Variants in SERPINA9 observed in about 807,000 individuals in gnomAD.
SERPINA9 encodes serpin family A member 9.
Under a neutral mutation model 24.5 loss-of-function variants are expected in SERPINA9, and 32 were observed. The ratio of observed to expected loss-of-function variants is 1.30; its 90% CI spans 0.98 to 1.75. The LOEUF (loss-of-function observed/expected upper bound fraction) is 1.75, where lower values mean the gene tolerates loss of function less well. SERPINA9 is among the 40% of genes most tolerant of loss of function. SERPINA9 has a pLI of 0.00. For missense variants in SERPINA9, 594 were observed against 497.1 expected (o/e 1.19, Z -1.85); for synonymous variants, 233 against 197.7 (o/e 1.18, Z -1.50).
rs1173195876 is a variant in SERPINA9 at position 94,464,814 on chromosome 14, A to G, written c.943T>C (p.Ser315Pro). ...GGGAGGATGGTTTCCAGATTGTAGG[A>G]GGCAGAAATGGAAAATCTGGGGATG... ...VFIPRFSISA[S>P]YNLETILPKM... is the part of the protein sequence containing the mutation. The change falls in exon 4 of 5, where the codon TCC becomes CCC. Residue 315 changes from serine to proline, a missense_variant. Ser to Pro is a moderately conservative substitution (Grantham distance 74). Transcript: ENST00000674397. The G allele has an allele frequency of 1.2e-6, 2 of 1,613,624 alleles. No homozygotes were observed. The highest frequency in any genetic ancestry group is 2.7e-5 in the African/African-American group (2 of 75,028).
In SERPINA9 at chr14:94,462,772, G is replaced by A. The variant is rs913217928; in HGVS notation, c.*321C>T. 1 of 336,826 alleles carries A rather than the reference G, an allele frequency of 3.0e-6. No individual in the cohort carries two copies. Among genetic ancestry groups the A allele is most frequent in the South Asian group, 3.1e-5 (1 of 32,512 alleles). The allele number at this position is 336,826 out of a possible 1,614,324, so 20.9% of individuals were successfully genotyped here. ...TTATTGAATGTGTTATTGTAATTCT[G>A]CAATAGAGGTGCCTAACCTGGGTTG... On this transcript the variant is annotated 3_prime_UTR_variant, in exon 5 of 5. Transcript: ENST00000674397.
At chr14:94,475,050 C>T (rs998013010) in intron 1 of SERPINA9, among the ~76,000 whole-genome samples, 1 of 152,160 alleles carries the variant, frequency 6.6e-6, no homozygotes, top group African/African-American at 2.4e-5. Context: ...TCCACCCCAT[C>T]CCCTATCTTC....
Position 94,470,071 on chromosome 14 carries a change from G to C in SERPINA9, c.-17-214C>G, listed in dbSNP as rs1055421956. The C allele has an allele frequency of 4.3e-6, 3 of 690,460 alleles. No homozygotes were observed. The African/African-American group carries it at 5.5e-5, about 13-fold the overall frequency. The allele number at this position is 690,460 out of a possible 1,614,324, so 42.8% of individuals were successfully genotyped here. ...TGCAAATGAGTAAACAGGCCACAGA[G>C]AGTCTGTGCAACTTACCCCAAATAG... On this transcript the variant is annotated intron_variant, in intron 1 of 4. Coordinates refer to ENST00000674397, the MANE Select transcript of SERPINA9 (RefSeq NM_175739.4).
intron 4 of SERPINA9, 75 bp from the exon 5 acceptor site, chr14:94,463,371 C>T (rs2208430): frequency 0.49 from 662,833 of 1,347,256 alleles, 169,625 homozygotes; most frequent in Non-Finnish European, 0.53. Context: ...AAACTGAGTG[C>T]TTTTGCCCTG....
chr14:94,475,560 C>T (rs1303778952), intron 1 of SERPINA9, among the ~76,000 whole-genome samples: 2 of 152,192 alleles, frequency 1.3e-5, no homozygotes, highest in East Asian at 1.9e-4. Context: ...TCTGCCTATC[C>T]CTACTTTCCC....
rs138481349 is a variant in SERPINA9, at chr14:94,468,957, T to C, written c.628+256A>G. On this transcript the variant is annotated intron_variant, in intron 2 of 4. Coordinates refer to ENST00000674397, the MANE Select transcript of SERPINA9 (RefSeq NM_175739.4). Reference sequence around the variant, plus strand: ...CAGATTTTTCCTGTGGGTTTCCCACTGAGTCAAATGTAAACACACCTCAAG... The same window carrying C: ...CAGATTTTTCCTGTGGGTTTCCCACCGAGTCAAATGTAAACACACCTCAAG... 2.4e-3 allele frequency among the ~76,000 whole-genome samples: 365 copies of C among 152,310 alleles called. 4 individuals carry two copies. The highest frequency in any genetic ancestry group is 8.6e-3 in the African/African-American group (357 of 41,568).
At chr14:94,474,502 G>C (rs927750994) in intron 1 of SERPINA9, among the ~76,000 whole-genome samples, 2 of 152,270 alleles carry the variant, frequency 1.3e-5, no homozygotes, top group East Asian at 3.9e-4. Flanking sequence ...ATCTATGTCT[G>C]AGGGCCCCCA....
chr14:94,467,524 G>A (rs906215367), intron 2 of SERPINA9, 142 bp from the exon 3 acceptor site: 28 of 698,014 alleles, frequency 4.0e-5, no homozygotes, highest in Admixed American at 1.3e-4. Flanking sequence ...ATTACACAGC[G>A]GAGTAGTTGC....
At chr14:94,475,181 C>T (rs1003275609) in intron 1 of SERPINA9, among the ~76,000 whole-genome samples, 4 of 152,178 alleles carry the variant, frequency 2.6e-5, no homozygotes, top group Non-Finnish European at 5.9e-5. Flanking sequence ...GTAGAACCTA[C>T]CTGTCTGCTC....
At position 94,469,782 on chromosome 14, in the gene SERPINA9, C is replaced by T. The variant is rs1229320584; in HGVS notation, c.59G>A (p.Cys20Tyr). 6.5e-7 allele frequency: 1 copy of T among 1,540,432 alleles called. No homozygotes were observed. The highest frequency in any genetic ancestry group is 1.4e-5 in the African/African-American group (1 of 72,572). ...FAVGLCAPIY[C>Y]VSPANAPSAY... is the part of the protein sequence containing the mutation. ...ACTGGGGGCATTGGCCGGGGACACACAGTAGATTGGAGCACAGAGGCCAAC... is the reference window on the plus strand; with the variant it reads ...ACTGGGGGCATTGGCCGGGGACACATAGTAGATTGGAGCACAGAGGCCAAC... The change falls in exon 2 of 5, where the codon TGT becomes TAT. Residue 20 changes from cysteine to tyrosine, a missense_variant. Coordinates refer to ENST00000674397, the MANE Select transcript of SERPINA9 (RefSeq NM_175739.4).
At chr14:94,463,382 G>A (rs1898837371) in intron 4 of SERPINA9, 86 bp from the exon 5 acceptor site, 2 of 1,146,404 alleles carry the variant, frequency 1.7e-6, no homozygotes, top group African/African-American at 3.0e-5. Flanking sequence ...TTTTGCCCTG[G>A]AATGGTGATG....
intron 1 of SERPINA9, 51 bp from the exon 2 acceptor site, chr14:94,469,908 T>G: frequency 7.0e-7 from 1 of 1,434,118 alleles, no homozygotes; most frequent in Non-Finnish European, 9.3e-7. Context: ...GTCCAGGCCC[T>G]GAATCAGAGA....
intron 4 of SERPINA9, among the ~76,000 whole-genome samples, chr14:94,463,554 T>C (rs1315376816): frequency 1.3e-5 from 2 of 152,174 alleles, no homozygotes; most frequent in Non-Finnish European, 2.9e-5. Flanking sequence ...CCACTTATGG[T>C]TGCAAAATTA....
intron 1 of SERPINA9, among the ~76,000 whole-genome samples, chr14:94,470,538 G>A (rs1299981447): frequency 6.6e-6 from 1 of 152,184 alleles, no homozygotes; most frequent in African/African-American, 2.4e-5. Context: ...TAAATGACCT[G>A]ATAGCAATTT....
At chr14:94,464,484 C>A (rs998562923) in intron 4 of SERPINA9, 9 of 562,544 alleles carry the variant, frequency 1.6e-5, no homozygotes, top group Non-Finnish European at 2.8e-5. Context: ...GAGCACCTGA[C>A]TGCTGAGGAT....
Position 94,463,174 on chromosome 14 carries a change from C to T in SERPINA9, c.1173G>A (p.Arg391=). Residue 391 remains arginine (R), a synonymous_variant, in exon 5 of 5, where the codon AGG becomes AGA. Coordinates refer to ENST00000674397, the MANE Select transcript of SERPINA9 (RefSeq NM_175739.4). ...TATTTGTAATCATCATCAGGAAGGT[C>T]CTATTGAAGGAGACAGTGAAGTAAG... ...GPSYFTVSFN[R]TFLMMITNKA... is the part of the protein sequence containing the mutation. 1 of 1,614,110 alleles carries T rather than the reference C, an allele frequency of 6.2e-7. No individual in the cohort carries two copies. The highest frequency in any genetic ancestry group is 8.5e-7 in the Non-Finnish European group (1 of 1,179,988).
rs376958235 is a variant in SERPINA9, at chr14:94,467,314, C to T, written c.697G>A (p.Val233Ile). 2 of 1,614,046 alleles carry T rather than the reference C, an allele frequency of 1.2e-6. No homozygotes were observed. Among genetic ancestry groups the T allele is most frequent in the Non-Finnish European group, 1.7e-6 (2 of 1,179,934 alleles). ...TGCATCATGGGGACATGCACAGTGACCTGCTCGCCCACCAGGAATGGGAAG... is the reference window on the plus strand; with the variant it reads ...TGCATCATGGGGACATGCACAGTGATCTGCTCGCCCACCAGGAATGGGAAG... The part of the protein sequence containing the change: ...KNFPFLVGEQ[V>I]TVHVPMMHQK... Residue 233 changes from valine (V) to isoleucine (I), a missense_variant, in exon 3 of 5, where the codon GTC becomes ATC. Coordinates refer to ENST00000674397, the MANE Select transcript of SERPINA9 (RefSeq NM_175739.4).
intron 2 of SERPINA9, among the ~76,000 whole-genome samples, 158 bp from the exon 3 acceptor site, chr14:94,467,540 C>A (rs1899068305): frequency 6.6e-6 from 1 of 152,164 alleles, no homozygotes; most frequent in South Asian, 2.1e-4. Context: ...GTTGCCCAAA[C>A]TTGTGAATAT....
chr14:94,475,343 T>C (rs541282968), intron 1 of SERPINA9, among the ~76,000 whole-genome samples: 1 of 152,258 alleles, frequency 6.6e-6, no homozygotes, highest in African/African-American at 2.4e-5. Flanking sequence ...TTCCATGTCC[T>C]TAACCTTTTT....
Sources: allele counts gnomAD v4.1 joint callset (sites outside exome capture counted in the v4.1 genomes callset), GRCh38; gene constraint gnomAD v4.1.1; transcripts MANE v1.5; gene names NCBI Gene and HGNC (gene_info 2026-07-23, HGNC 2026-07-21).